The following ROCK2 variants were observed in gnomAD, a reference collection of about 807,000 sequenced individuals.
ROCK2 encodes Rho associated coiled-coil containing protein kinase 2, also known as rho-associated protein kinase 2.
In ROCK2, 61 loss-of-function variants were observed where a neutral mutation model predicts 195.1. The ratio of observed to expected loss-of-function variants is 0.31; its 90% CI spans 0.25 to 0.39. The LOEUF (loss-of-function observed/expected upper bound fraction) is 0.39. ROCK2 is among the 10% of genes least tolerant of loss of function. The probability of loss-of-function intolerance (pLI) is 1.00; values close to 1 mark genes in which losing one functional copy is unlikely to be tolerated. For synonymous variants in ROCK2, 504 were observed against 545.5 expected, an observed-to-expected ratio of 0.92 and a Z score of 1.06; for missense variants, 1,109 against 1,637.4, an observed-to-expected ratio of 0.68 and a Z score of 5.57.
upstream of ROCK2, among the ~76,000 whole-genome samples, chr2:11,345,250 T>C (rs1669269177): frequency 6.6e-6 from 1 of 152,104 alleles, no homozygotes; most frequent in Non-Finnish European, 1.5e-5. Context: ...CCTGAAAGCG[T>C]TTCTGCCCGG....
At chr2:11,307,539 C>T (rs1667895412) in intron 1 of ROCK2, among the ~76,000 whole-genome samples, 1 of 152,118 alleles carries the variant, frequency 6.6e-6, no homozygotes, top group Admixed American at 6.5e-5. Context: ...GTCTCGATCT[C>T]TTGACCTCGT....
At chr2:11,268,903 AT>A (rs1213935814) in intron 3 of ROCK2, among the ~76,000 whole-genome samples, 1 of 152,036 alleles carries the variant, frequency 6.6e-6, no homozygotes, top group Non-Finnish European at 1.5e-5. Context: ...ATTTTGTTCT[AT>A]TTGAATGTGT....
intron 20 of ROCK2, among the ~76,000 whole-genome samples, chr2:11,205,453 A>G (rs1558289106): frequency 6.6e-6 from 1 of 152,082 alleles, no homozygotes; most frequent in Non-Finnish European, 1.5e-5. Context: ...ACCCATTCTC[A>G]TTCTTATTTA....
chr2:11,271,027 T>C (rs984707408), intron 3 of ROCK2, among the ~76,000 whole-genome samples: 4 of 152,194 alleles, frequency 2.6e-5, no homozygotes, highest in Admixed American at 1.3e-4. Flanking sequence ...CAGTGTTCTA[T>C]AGTCTTATGA....
chr2:11,294,399 T>C (rs1667450875), intron 1 of ROCK2, among the ~76,000 whole-genome samples: 1 of 152,200 alleles, frequency 6.6e-6, no homozygotes, highest in Non-Finnish European at 1.5e-5. Flanking sequence ...TTAATTTTCC[T>C]AACAGACTGT....
At chr2:11,299,602 G>A (rs1667643824) in intron 1 of ROCK2, among the ~76,000 whole-genome samples, 1 of 152,024 alleles carries the variant, frequency 6.6e-6, no homozygotes, top group Admixed American at 6.5e-5. Flanking sequence ...ATACAGCAGA[G>A]GCAGAAGCTG....
intron 1 of ROCK2, among the ~76,000 whole-genome samples, chr2:11,305,006 G>A (rs969187198): frequency 4.0e-5 from 6 of 151,694 alleles, no homozygotes; most frequent in Non-Finnish European, 7.4e-5. Flanking sequence ...AGGAGGGTTG[G>A]GCACACTACA....
intron 4 of ROCK2, among the ~76,000 whole-genome samples, chr2:11,240,080 TGTCA>T (rs1395509615): frequency 6.6e-6 from 1 of 152,158 alleles, no homozygotes; most frequent in Non-Finnish European, 1.5e-5. Context: ...CTCCACTGAG[TGTCA>T]GTATCCAGAG....
At chr2:11,273,780 T>C (rs1468734003) in intron 3 of ROCK2, among the ~76,000 whole-genome samples, 7 of 152,104 alleles carry the variant, frequency 4.6e-5, no homozygotes, top group Non-Finnish European at 8.8e-5. Flanking sequence ...CAAAGTATAT[T>C]TTCCAACCAC....
At chr2:11,320,704 C>T (rs1377473353) in intron 1 of ROCK2, among the ~76,000 whole-genome samples, 1 of 152,186 alleles carries the variant, frequency 6.6e-6, no homozygotes, top group South Asian at 2.1e-4. Flanking sequence ...TTTCAAGACA[C>T]TGGATATCAG....
At chr2:11,257,806 A>G (rs1257732596) in intron 3 of ROCK2, among the ~76,000 whole-genome samples, 1 of 151,394 alleles carries the variant, frequency 6.6e-6, no homozygotes, top group East Asian at 1.9e-4. Flanking sequence ...ATACACTTTC[A>G]TTTACTAACT....
At position 11,207,920 on chromosome 2, in the gene ROCK2, A is replaced by AG. The variant is rs759787584; in HGVS notation, c.2365-11_2365-10insC. On this transcript the variant is annotated splice_polypyrimidine_tract_variant and intron_variant, in intron 19 of 32. Transcript: ENST00000315872. ...ATGTCAGGTTTCTAACCTAAGAAAT[A>AG]AATTGTGTACTTGGTATATAAGTAA... 14 of 1,542,830 alleles carry AG rather than the reference A, an allele frequency of 9.1e-6. No individual in the cohort carries two copies. The highest frequency in any genetic ancestry group is 1.2e-5 in the Non-Finnish European group (14 of 1,144,054).
intron 3 of ROCK2, among the ~76,000 whole-genome samples, chr2:11,255,460 C>G (rs931352669): frequency 6.6e-6 from 1 of 150,646 alleles, no homozygotes; most frequent in Non-Finnish European, 1.5e-5. Flanking sequence ...TGCGACTCAT[C>G]ATCAAGAAAA....
intron 3 of ROCK2, among the ~76,000 whole-genome samples, chr2:11,266,283 A>G (rs1178654107): frequency 5.3e-5 from 8 of 152,116 alleles, no homozygotes; most frequent in Non-Finnish European, 1.0e-4. Context: ...TTTTCTCACT[A>G]TTGAGTTGCA....
intron 1 of ROCK2, among the ~76,000 whole-genome samples, chr2:11,329,416 C>G (rs1490706066): frequency 1.3e-5 from 2 of 151,402 alleles, no homozygotes; most frequent in African/African-American, 4.9e-5. Context: ...ATTATATCAT[C>G]CAGAAAGACA....
At chr2:11,304,512 T>C (rs1416935629) in intron 1 of ROCK2, among the ~76,000 whole-genome samples, 2 of 152,240 alleles carry the variant, frequency 1.3e-5, no homozygotes, top group Non-Finnish European at 2.9e-5. Context: ...GCTGGAATCA[T>C]TGCAAATGTC....
chr2:11,269,075 CT>C (rs1666530068), intron 3 of ROCK2, among the ~76,000 whole-genome samples: 1 of 152,150 alleles, frequency 6.6e-6, no homozygotes, highest in Non-Finnish European at 1.5e-5. Flanking sequence ...AGTTATTGTA[CT>C]TTTCAGCTCT....
At chr2:11,295,989 A>AGAGGGGG (rs1329784247) in intron 1 of ROCK2, among the ~76,000 whole-genome samples, 2 of 23,434 alleles carry the variant, frequency 8.5e-5, no homozygotes, top group Non-Finnish European at 2.2e-4. Context: ...AGAGAGAGAG[A>AGAGGGGG]GGAGAGAGAG....
intron 1 of ROCK2, among the ~76,000 whole-genome samples, chr2:11,291,824 A>T (rs1423147212): frequency 6.6e-6 from 1 of 152,230 alleles, no homozygotes; most frequent in East Asian, 1.9e-4. Flanking sequence ...TAAACAGAAA[A>T]GAATCAAGTA....
Sources: allele counts gnomAD v4.1 joint callset (sites outside exome capture counted in the v4.1 genomes callset), GRCh38; gene constraint gnomAD v4.1.1; transcripts MANE v1.5; gene names NCBI Gene and HGNC (gene_info 2026-07-23, HGNC 2026-07-21).